Variants in FMN2 observed in about 807,000 individuals in gnomAD.
FMN2 encodes the protein formin 2, also known as formin-2.
Under a neutral mutation model 142.3 loss-of-function variants are expected in FMN2, and 51 were observed. The ratio of observed to expected loss-of-function variants is 0.36; its 90% CI spans 0.29 to 0.45. The LOEUF (loss-of-function observed/expected upper bound fraction) is 0.45, where lower values mean the gene tolerates loss of function less well. Among genes scored for constraint, FMN2 ranks in the 20% least tolerant of loss-of-function variants. FMN2 has a pLI of 1.00. For missense variants in FMN2, 1,936 were observed against 2,122.8 expected, an observed-to-expected ratio of 0.91 and a Z score of 1.73; for synonymous variants, 882 against 869.8, an observed-to-expected ratio of 1.01 and a Z score of -0.25.
At chr1:240,309,807 G>A (rs1670541826) in intron 8 of FMN2, among the ~76,000 whole-genome samples, 1 of 152,134 alleles carries the variant, frequency 6.6e-6, no homozygotes, top group South Asian at 2.1e-4. Flanking sequence ...GCAAACTGAG[G>A]GATGAGAGGC....
rs754565279 is a variant in FMN2, at chr1:240,208,242, C to T, written c.3430C>T (p.Pro1144Ser). Residue 1144 changes from proline to serine, a missense_variant, in exon 5 of 18, where the codon CCC becomes TCC. Pro to Ser is a moderately conservative substitution (Grantham distance 74, BLOSUM62 -1). Around this residue, in one of 8 missense-constraint regions of FMN2, gnomAD observed 56 missense variants for 111.8 expected, o/e 0.50. Coordinates refer to ENST00000319653, the MANE Select transcript of FMN2 (RefSeq NM_020066.5). ...TCCCGGAGCGGGCATACCTCCTCCA[C>T]CCCCTCTACCCAGAGTGGGCATACC... ...PLPGAGIPPP[P>S]PLPRVGIPPP... 1.5e-5 allele frequency: 10 copies of T among 666,592 alleles called. No individual in the cohort carries two copies. In the Admixed American group the frequency reaches 2.4e-4, roughly 16 times the overall value. 41.3% of individuals were successfully genotyped at this position (666,592 alleles called of 1,614,324 possible). A position where few individuals can be genotyped will look rare whatever the true frequency, so the allele number is the denominator to read the frequency against.
chr1:240,360,564 GA>G (rs1325937367), intron 14 of FMN2, among the ~76,000 whole-genome samples: 1 of 152,168 alleles, frequency 6.6e-6, no homozygotes, highest in East Asian at 1.9e-4. Context: ...TACAGAGTGT[GA>G]AACCATAAGA....
At chr1:240,238,688 T>G (rs1010642445) in intron 6 of FMN2, among the ~76,000 whole-genome samples, 1 of 152,210 alleles carries the variant, frequency 6.6e-6, no homozygotes, top group African/African-American at 2.4e-5. Flanking sequence ...GGAAATCTAC[T>G]TCATAGTAAA....
chr1:240,443,203 A>T (rs940864729), intron 16 of FMN2, among the ~76,000 whole-genome samples: 2 of 152,206 alleles, frequency 1.3e-5, no homozygotes, highest in Non-Finnish European at 2.9e-5. Context: ...CCAAGGATGA[A>T]CTTTTGTTTG....
At position 240,142,818 on chromosome 1, in the gene FMN2, G is replaced by A. The variant is rs534729509; in HGVS notation, c.1782+19473G>A. On this transcript the variant is annotated intron_variant, in intron 2 of 17. Transcript: ENST00000319653. Reference sequence around the variant, plus strand: ...TGTCTGGAACCCTGTGATGGTCTTAGGCTTGCCAGCCTGGCCCACCACATC... The same window carrying A: ...TGTCTGGAACCCTGTGATGGTCTTAAGCTTGCCAGCCTGGCCCACCACATC... The A allele has an allele frequency of 4.4e-6, 7 of 1,587,382 alleles. No homozygotes were observed. The African/African-American group carries it at 9.4e-5, about 21-fold the overall frequency.
chr1:240,466,856 G>T (rs1676635764), intron 16 of FMN2, among the ~76,000 whole-genome samples: 1 of 152,174 alleles, frequency 6.6e-6, no homozygotes, highest in African/African-American at 2.4e-5. Flanking sequence ...AATGAAGTAT[G>T]TGGGAGCTGG....
chr1:240,168,891 T>C (rs1664588860), intron 2 of FMN2, among the ~76,000 whole-genome samples: 2 of 151,980 alleles, frequency 1.3e-5, no homozygotes, highest in African/African-American at 4.8e-5. Context: ...ATCAACACAA[T>C]TTATATTGTC....
intron 2 of FMN2, among the ~76,000 whole-genome samples, chr1:240,169,337 C>T (rs1664608865): frequency 6.6e-6 from 1 of 152,220 alleles, no homozygotes; most frequent in South Asian, 2.1e-4. Context: ...TCAGATATCA[C>T]ACCCAAGCCC....
intron 1 of FMN2, among the ~76,000 whole-genome samples, chr1:240,117,450 C>T (rs991684031): frequency 3.9e-5 from 6 of 152,128 alleles, no homozygotes; most frequent in South Asian, 2.1e-4. Context: ...TGGATGGCTG[C>T]GCCGAAACAG....
At chr1:240,381,001 G>A (rs1021580305) in intron 14 of FMN2, among the ~76,000 whole-genome samples, 3 of 152,072 alleles carry the variant, frequency 2.0e-5, no homozygotes, top group African/African-American at 7.2e-5. Flanking sequence ...TAATGAAATT[G>A]AGTCAGTAAT....
In FMN2 at chr1:240,409,802, A is replaced by C. The variant is rs548327299; in HGVS notation, c.4910+17240A>C. On this transcript the variant is annotated intron_variant, in intron 15 of 17. Transcript: ENST00000319653. ...AAATCTTTATTGTCTTTATTGGTTT[A>C]CTAAATCTATAGTCAGCAAATATTA... 7.2e-5 allele frequency among the ~76,000 whole-genome samples: 11 copies of C among 152,338 alleles called. No homozygotes were observed. In the Middle Eastern group the frequency reaches 0.014, roughly 188 times the overall value.
chr1:240,251,155 A>T (rs1406039194), intron 6 of FMN2, among the ~76,000 whole-genome samples: 1 of 151,802 alleles, frequency 6.6e-6, no homozygotes, highest in African/African-American at 2.4e-5. Flanking sequence ...TCCTTGATAT[A>T]CACTGTTAGA....
intron 6 of FMN2, among the ~76,000 whole-genome samples, chr1:240,229,568 G>A (rs1394898222): frequency 3.3e-5 from 5 of 152,202 alleles, no homozygotes; most frequent in Non-Finnish European, 7.3e-5. Context: ...ACTATGTTTG[G>A]TGGTTCTGTG....
chr1:240,362,127 A>T (rs929087395), intron 14 of FMN2, among the ~76,000 whole-genome samples: 2 of 152,208 alleles, frequency 1.3e-5, no homozygotes, highest in South Asian at 2.1e-4. Context: ...AGCTTTTAAC[A>T]TAGAAGTGAA....
At chr1:240,098,925 T>C (rs2103171395) in intron 1 of FMN2, among the ~76,000 whole-genome samples, 1 of 152,318 alleles carries the variant, frequency 6.6e-6, no homozygotes, top group East Asian at 1.9e-4. Flanking sequence ...TCTGAAAAGA[T>C]ACAGAAAATA....
chr1:240,121,115 C>T (rs1043428928), intron 1 of FMN2, among the ~76,000 whole-genome samples: 3 of 151,842 alleles, frequency 2.0e-5, no homozygotes, highest in Admixed American at 1.3e-4. Context: ...GAGCCGAGAC[C>T]GCGCCACTGC....
At chr1:240,252,953 C>CTTTTTTTTTT (rs59902639) in intron 6 of FMN2, among the ~76,000 whole-genome samples, 1,498 of 65,096 alleles carry the variant, frequency 0.023, 223 homozygotes, top group African/African-American at 0.038. Context: ...GTCTTGTTCA[C>CTTTTTTTTTT]TTTTTTTTTT....
Position 240,373,141 on chromosome 1 carries a change from A to G in FMN2, c.4858+17233A>G, listed in dbSNP as rs138629405. Among the ~76,000 whole-genome samples the G allele has an allele frequency of 2.4e-3, 360 of 152,242 alleles. 4 individuals carry two copies. The highest frequency in any genetic ancestry group is 8.3e-3 in the African/African-American group (344 of 41,546). On this transcript the variant is annotated intron_variant, in intron 14 of 17. Coordinates refer to ENST00000319653, the MANE Select transcript of FMN2 (RefSeq NM_020066.5). ...GGAGTTTGCAGTGAGCCGAGATCTC[A>G]CCACTGCACTCCAGCCTGGGCGACA...
At chr1:240,448,235 G>A (rs555738155) in intron 16 of FMN2, among the ~76,000 whole-genome samples, 200 of 152,246 alleles carry the variant, frequency 1.3e-3, no homozygotes, top group African/African-American at 4.5e-3. Flanking sequence ...CATCAACTTA[G>A]ATAATTAGTC....
Sources: allele counts gnomAD v4.1 joint callset (sites outside exome capture counted in the v4.1 genomes callset), GRCh38; gene constraint gnomAD v4.1.1; regional missense constraint gnomAD v4.1.1; transcripts MANE v1.5; gene names NCBI Gene and HGNC (gene_info 2026-07-23, HGNC 2026-07-21).